DPP10: variants seen among roughly 807,000 people sequenced by gnomAD.
The protein encoded by DPP10 is dipeptidyl peptidase like 10, also known as inactive dipeptidyl peptidase 10.
A neutral mutation model predicts 120.9 loss-of-function variants in DPP10; 33 were observed. That is an observed-to-expected ratio of 0.27 (90% CI 0.21 to 0.37). DPP10 has a LOEUF of 0.37. DPP10 is among the 10% of genes least tolerant of loss of function. The probability of loss-of-function intolerance (pLI) is 1.00; values close to 1 mark genes in which losing one functional copy is unlikely to be tolerated. For missense variants in DPP10, 816 were observed against 942.8 expected (o/e 0.87, Z 1.76); for synonymous variants, 337 against 326.1 (o/e 1.03, Z -0.36).
intron 1 of DPP10, among the ~76,000 whole-genome samples, chr2:114,549,021 A>C (rs965639190): frequency 1.1e-4 from 17 of 152,346 alleles, no homozygotes; most frequent in African/African-American, 4.1e-4. Flanking sequence ...CAAAGCAGTT[A>C]TCATATTTAA....
At chr2:114,590,272 A>C (rs148990184) in intron 1 of DPP10, among the ~76,000 whole-genome samples, 198 of 152,266 alleles carry the variant, frequency 1.3e-3, no homozygotes, top group African/African-American at 4.6e-3. Context: ...GCAATTGAGG[A>C]ATGAGTGTAG....
At chr2:115,478,674 A>G (rs1239316812) in intron 3 of DPP10, among the ~76,000 whole-genome samples, 1 of 152,210 alleles carries the variant, frequency 6.6e-6, no homozygotes, top group African/African-American at 2.4e-5. Context: ...ATTAATATCC[A>G]GAACATATAG....
chr2:114,736,705 C>T (rs1343655486), intron 1 of DPP10, among the ~76,000 whole-genome samples: 1 of 152,192 alleles, frequency 6.6e-6, no homozygotes, highest in Non-Finnish European at 1.5e-5. Flanking sequence ...ATCCAACTTT[C>T]CTCTTGCTCT....
intron 1 of DPP10, among the ~76,000 whole-genome samples, chr2:114,753,817 G>A (rs1679460782): frequency 6.7e-6 from 1 of 148,886 alleles, no homozygotes; most frequent in South Asian, 2.1e-4. Flanking sequence ...GCTGAGGCAG[G>A]AGAATGGCAT....
chr2:115,778,093 T>A (rs1682337144), intron 15 of DPP10, among the ~76,000 whole-genome samples: 1 of 152,054 alleles, frequency 6.6e-6, no homozygotes, highest in East Asian at 1.9e-4. Context: ...TAATATCTTT[T>A]TTGTGGCTTA....
chr2:114,573,379 C>T (rs1027611779), intron 1 of DPP10, among the ~76,000 whole-genome samples: 3 of 152,052 alleles, frequency 2.0e-5, no homozygotes, highest in African/African-American at 7.2e-5. Context: ...AACTTACAGG[C>T]ATCTTGGAGT....
At chr2:114,718,102 A>G (rs1701471201) in intron 1 of DPP10, among the ~76,000 whole-genome samples, 1 of 151,640 alleles carries the variant, frequency 6.6e-6, no homozygotes, top group Non-Finnish European at 1.5e-5. Context: ...AAAAACAGGG[A>G]CTCCATAGTT....
At chr2:115,500,049 T>G (rs1224655180) in intron 4 of DPP10, among the ~76,000 whole-genome samples, 1 of 152,004 alleles carries the variant, frequency 6.6e-6, no homozygotes, top group Non-Finnish European at 1.5e-5. Flanking sequence ...CAGCTGAGGT[T>G]GATGTGTTTT....
chr2:115,710,811 T>C (rs2092291641), intron 7 of DPP10, among the ~76,000 whole-genome samples: 1 of 152,166 alleles, frequency 6.6e-6, no homozygotes, highest in African/African-American at 2.4e-5. Context: ...AAATATTTAT[T>C]AAGTAATCCT....
intron 1 of DPP10, among the ~76,000 whole-genome samples, chr2:114,735,062 C>A (rs1677289881): frequency 6.6e-6 from 1 of 152,032 alleles, no homozygotes; most frequent in Admixed American, 6.6e-5. Context: ...TGCATTAGGG[C>A]CCACCTTAAT....
At chr2:114,549,251 G>A (rs761102513) in intron 1 of DPP10, among the ~76,000 whole-genome samples, 5 of 151,890 alleles carry the variant, frequency 3.3e-5, no homozygotes, top group Non-Finnish European at 7.4e-5. Flanking sequence ...GCAGCATGGG[G>A]TGATTCTCCA....
rs1318816659 is a variant in DPP10, at chr2:114,556,230, GATACATATATATATATATATATAT to G, written c.60+113396_60+113419del. 2.2e-4 allele frequency among the ~76,000 whole-genome samples: 6 copies of G among 27,898 alleles called. No homozygotes were observed. In the South Asian group the frequency reaches 7.0e-3, roughly 33 times the overall value. The allele number at this position is 27,898 out of a possible 152,430, so 18.3% of individuals were successfully genotyped here. A position where few individuals can be genotyped will look rare whatever the true frequency, so the allele number is the denominator to read the frequency against. ...GCAGGAGAAACAGTGATACATAGAT[GATACATATATATATATATATATAT>G]ATATATATATATATAGGCAAATAAT... On this transcript the variant is annotated intron_variant, in intron 1 of 25. Transcript: ENST00000410059.
intron 5 of DPP10, among the ~76,000 whole-genome samples, chr2:115,601,092 T>A (rs1012715046): frequency 6.6e-6 from 1 of 152,246 alleles, no homozygotes; most frequent in Admixed American, 6.5e-5. Context: ...GAATCATTAT[T>A]CAGTTTTGCC....
At chr2:115,445,186 A>G (rs990992727) in intron 3 of DPP10, among the ~76,000 whole-genome samples, 2 of 152,142 alleles carry the variant, frequency 1.3e-5, no homozygotes, top group Non-Finnish European at 2.9e-5. Flanking sequence ...CAGAACTGTG[A>G]GTCAATTAAA....
intron 5 of DPP10, among the ~76,000 whole-genome samples, chr2:115,583,215 A>G (rs1209316152): frequency 6.6e-6 from 1 of 152,198 alleles, no homozygotes. Context: ...CTCTTTTAGA[A>G]TTATTTGCAC....
chr2:115,233,901 C>T (rs138743614), intron 1 of DPP10: 3 of 515,232 alleles, frequency 5.8e-6, no homozygotes, highest in South Asian at 1.4e-5. Context: ...CTCCCTTAGC[C>T]CTTCTTCTGC....
intron 3 of DPP10, among the ~76,000 whole-genome samples, chr2:115,476,830 G>GA (rs2075117452): frequency 6.6e-6 from 1 of 152,010 alleles, no homozygotes; most frequent in Non-Finnish European, 1.5e-5. Flanking sequence ...ATGACCCACT[G>GA]GGATTATTCC....
intron 1 of DPP10, among the ~76,000 whole-genome samples, chr2:114,624,530 T>C (rs571699328): frequency 2.9e-4 from 44 of 152,068 alleles, no homozygotes; most frequent in South Asian, 2.3e-3. Context: ...ACTTAGTGAC[T>C]TCTCTTTCCT....
intron 1 of DPP10, among the ~76,000 whole-genome samples, chr2:114,667,781 A>T (rs1433953848): frequency 6.6e-6 from 1 of 152,226 alleles, no homozygotes; most frequent in Non-Finnish European, 1.5e-5. Context: ...GAGTGCTAAT[A>T]AGAATGCAAT....
Sources: gnomAD v4.1 joint callset for allele counts (sites outside exome capture counted in the v4.1 genomes callset) on GRCh38, gnomAD v4.1.1 for gene constraint, MANE v1.5 for transcripts, NCBI Gene and HGNC (gene_info 2026-07-23, HGNC 2026-07-21) for gene names.